The following POMC variants were observed in gnomAD, a reference collection of about 807,000 sequenced individuals.
POMC encodes proopiomelanocortin.
A neutral mutation model predicts 18.5 loss-of-function variants in POMC; 19 were observed. That is an observed-to-expected ratio of 1.03 (90% CI 0.72 to 1.51). The LOEUF is 1.51. Among genes scored for constraint, POMC ranks in the 40% most tolerant of loss-of-function variants. POMC has a pLI of 0.00. For synonymous variants in POMC, 179 were observed against 161.9 expected (o/e 1.11, Z -0.80); for missense variants, 451 against 379.0 (o/e 1.19, Z -1.58).
chr2:25,163,605 C>A (rs1010416592), intron 2 of POMC, among the ~76,000 whole-genome samples: 9 of 152,208 alleles, frequency 5.9e-5, no homozygotes, highest in Admixed American at 3.9e-4. Context: ...GTCACTGACA[C>A]TAACAGTATG....
intron 2 of POMC, among the ~76,000 whole-genome samples, chr2:25,164,374 G>A (rs1327521055): frequency 6.6e-6 from 1 of 152,152 alleles, no homozygotes; most frequent in Non-Finnish European, 1.5e-5. Context: ...CTAGCTTAAA[G>A]GGTTCAAGGT....
rs1325484217 is a variant in POMC, at chr2:25,168,238, G to A, written c.-21+260C>T. On this transcript the variant is annotated intron_variant, in intron 1 of 2. Coordinates refer to ENST00000395826, the MANE Select transcript of POMC (RefSeq NM_000939.4). The surrounding 1 kb of genome is among the most constrained non-coding windows in gnomAD (Gnocchi z 5.2). ...CGGACCGCCGCGAGCCCCTGGGGGA[G>A]AGGAGGCCGCCGGCTCCCTGGAGAC... Among the ~76,000 whole-genome samples, 1 of 152,172 alleles carries A rather than the reference G, an allele frequency of 6.6e-6. No homozygotes were observed. Among genetic ancestry groups the A allele is most frequent in the Admixed American group, 6.5e-5 (1 of 15,284 alleles).
rs1671404046 is a variant in POMC, at chr2:25,161,882, G to T, written c.133-130C>A. Reference sequence around the variant, plus strand: ...GAGGACACAGGGCACAGTGTCGGGCGTGTCAAGCGTCGAGGCCTCCCTACA... The same window carrying T: ...GAGGACACAGGGCACAGTGTCGGGCTTGTCAAGCGTCGAGGCCTCCCTACA... On this transcript the variant is annotated intron_variant, in intron 2 of 2. Coordinates refer to ENST00000395826, the MANE Select transcript of POMC (RefSeq NM_000939.4). This position sits in a 1 kb window ranked among gnomAD's most constrained non-coding sequence, Gnocchi z 5.7. The T allele has an allele frequency of 2.1e-6, 3 of 1,411,670 alleles. No individual in the cohort carries two copies. In the South Asian group the frequency reaches 4.5e-5, roughly 21 times the overall value. 87.4% of individuals were successfully genotyped at this position (1,411,670 alleles called of 1,614,324 possible).
intron 1 of POMC, among the ~76,000 whole-genome samples, chr2:25,165,342 A>C (rs939011782): frequency 6.6e-6 from 1 of 152,168 alleles, no homozygotes; most frequent in African/African-American, 2.4e-5. Context: ...TTTCCTATGA[A>C]TATTAGGTTG....
At position 25,161,075 on chromosome 2, in the gene POMC, G is replaced by T; in HGVS notation, c.*6C>A. The T allele has an allele frequency of 6.2e-7, 1 of 1,614,086 alleles. No homozygotes were observed. Among genetic ancestry groups the T allele is most frequent in the African/African-American group, 1.3e-5 (1 of 75,062 alleles). On this transcript the variant is annotated 3_prime_UTR_variant, in exon 3 of 3. Transcript: ENST00000395826. The surrounding 1 kb of genome is among the most constrained non-coding windows in gnomAD (Gnocchi z 5.7). ...GGGAGGGTAGCCCTGGGGCCCCGCT[G>T]TGCCCTCACTCGCCCTTCTTGTAGG...
chr2:25,164,174 T>C (rs913567210), intron 2 of POMC, among the ~76,000 whole-genome samples: 4 of 152,034 alleles, frequency 2.6e-5, no homozygotes, highest in Non-Finnish European at 4.4e-5. Context: ...CCCCTGGTTT[T>C]TCCTTCTTCC....
At chr2:25,163,836 G>A (rs1573253270) in intron 2 of POMC, among the ~76,000 whole-genome samples, 1 of 152,226 alleles carries the variant, frequency 6.6e-6, no homozygotes, top group East Asian at 1.9e-4. Flanking sequence ...TGTTGCCCAG[G>A]CTTGTCTTGA....
At position 25,168,011 on chromosome 2, in the gene POMC, G is replaced by A. The variant is rs1352650657; in HGVS notation, c.-21+487C>T. 1.3e-5 allele frequency among the ~76,000 whole-genome samples: 2 copies of A among 152,136 alleles called. No homozygotes were observed. The highest frequency in any genetic ancestry group is 1.9e-4 in the East Asian group (1 of 5,190). ...TCTACTAAAAATACAAAAATTAGCCGGGCGTGGTGGCGCATGCCTGTAATC... is the reference window on the plus strand; with the variant it reads ...TCTACTAAAAATACAAAAATTAGCCAGGCGTGGTGGCGCATGCCTGTAATC... On this transcript the variant is annotated intron_variant, in intron 1 of 2. Coordinates refer to ENST00000395826, the MANE Select transcript of POMC (RefSeq NM_000939.4). This position sits in a 1 kb window ranked among gnomAD's most constrained non-coding sequence, Gnocchi z 5.2.
Position 25,161,600 on chromosome 2 carries a change from G to GCTA in POMC, c.284_285insTAG (p.Ser95dup). The stretch of plus-strand genomic sequence containing the variant: ...GCTTCTGCCCTGCGCCGCTGCTGCC[G>GCTA]CTGCTGCTGCTGTTGCGGCGGCCGA... On this transcript the variant is annotated inframe_insertion, in exon 3 of 3. Coordinates refer to ENST00000395826, the MANE Select transcript of POMC (RefSeq NM_000939.4). The surrounding 1 kb of genome is among the most constrained non-coding windows in gnomAD (Gnocchi z 5.7). 1 of 1,555,128 alleles carries GCTA rather than the reference G, an allele frequency of 6.4e-7. No homozygotes were observed.
chr2:25,167,790 C>A (rs1671606644), intron 1 of POMC, among the ~76,000 whole-genome samples: 1 of 152,136 alleles, frequency 6.6e-6, no homozygotes, highest in African/African-American at 2.4e-5. Flanking sequence ...CATTAATTTG[C>A]GATAGCGTGT....
At chr2:25,165,821 C>T (rs1671536472) in intron 1 of POMC, 1 of 152,318 alleles carries the variant, frequency 6.6e-6, no homozygotes, top group African/African-American at 2.4e-5. Context: ...CAGGTGGGCC[C>T]CCTGAAGCCA....
In POMC at chr2:25,164,673, A is replaced by G. The variant is rs1276202170; in HGVS notation, c.100T>C (p.Cys34Arg). The G allele has an allele frequency of 8.1e-6, 13 of 1,614,174 alleles. No homozygotes were observed. Among genetic ancestry groups the G allele is most frequent in the Non-Finnish European group, 1.0e-5 (12 of 1,180,024 alleles). ...VRGWCLESSQ[C>R]QDLTTESNLL... Reference sequence around the variant, plus strand: ...TTGCTTTCCGTGGTGAGGTCCTGACACTGGCTGCTCTCCAGGCACCAGCCA... The same window carrying G: ...TTGCTTTCCGTGGTGAGGTCCTGACGCTGGCTGCTCTCCAGGCACCAGCCA... Residue 34 changes from cysteine to arginine, a missense_variant, in exon 2 of 3, where the codon TGT becomes CGT. Transcript: ENST00000395826.
chr2:25,166,139 C>T (rs1311334304), intron 1 of POMC, among the ~76,000 whole-genome samples: 1 of 152,262 alleles, frequency 6.6e-6, no homozygotes, highest in African/African-American at 2.4e-5. Flanking sequence ...TCTACCCCAC[C>T]CTCGCCCTAT....
intron 1 of POMC, chr2:25,165,774 T>C (rs1334807195): frequency 6.6e-6 from 1 of 151,028 alleles, no homozygotes; most frequent in Admixed American, 6.6e-5. Flanking sequence ...CACCCCTCTC[T>C]CCAGCACTAC....
chr2:25,161,544 C>T lies in POMC; in HGVS notation c.341G>A (p.Gly114Asp). Residue 114 changes from glycine (G) to aspartate (D), a missense_variant, in exon 3 of 3, where the codon GGC (glycine) becomes GAC (aspartate). Transcript: ENST00000395826. This position sits in a 1 kb window ranked among gnomAD's most constrained non-coding sequence, Gnocchi z 5.7. ...REDVSAGEDC[G>D]PLPEGGPEPR... is the part of the protein sequence containing the mutation. ...CTCGGGGCCGCCCTCAGGCAGCGGG[C>T]CGCAGTCTTCGCCCGCTGAGACGTC... 1 of 1,577,698 alleles carries T rather than the reference C, an allele frequency of 6.3e-7. No individual in the cohort carries two copies. Among genetic ancestry groups the T allele is most frequent in the South Asian group, 1.1e-5 (1 of 87,190 alleles).
rs752077839 is a variant in POMC, at chr2:25,161,329, G to A, written c.556C>T (p.Arg186Trp). 1.9e-6 allele frequency: 3 copies of A among 1,606,004 alleles called. No individual in the cohort carries two copies. The highest frequency in any genetic ancestry group is 3.4e-5 in the Admixed American group (2 of 58,868). The change falls in exon 3 of 3, where the codon CGG becomes TGG. Residue 186 changes from arginine to tryptophan, a missense_variant. Physicochemically the swap from Arg to Trp is moderately radical, Grantham distance 101 (BLOSUM62 -3). Transcript: ENST00000395826. This position sits in a 1 kb window ranked among gnomAD's most constrained non-coding sequence, Gnocchi z 5.7. ...FKRELTGQRL[R>W]EGDGPDGPAD... is the part of the protein sequence containing the mutation. ...GGGCCGTCGGGGCCATCTCCCTCCC[G>A]GAGTCGCTGGCCAGTCAGCTCCCTC... is the stretch of plus-strand genomic sequence containing the variant.
At chr2:25,162,109 G>A (rs977359854) in intron 2 of POMC, among the ~76,000 whole-genome samples, 4 of 152,176 alleles carry the variant, frequency 2.6e-5, no homozygotes, top group African/African-American at 9.7e-5. Flanking sequence ...CTGACATAAA[G>A]GAGTGGCTCC....
chr2:25,164,373 AG>A (rs1671485324), intron 2 of POMC, among the ~76,000 whole-genome samples: 1 of 152,180 alleles, frequency 6.6e-6, no homozygotes, highest in African/African-American at 2.4e-5. Context: ...TCTAGCTTAA[AG>A]GGTTCAAGGT....
intron 2 of POMC, 106 bp downstream of exon 2, chr2:25,164,535 A>G (rs1369544118): frequency 2.6e-6 from 4 of 1,561,522 alleles, no homozygotes; most frequent in Middle Eastern, 1.7e-4. Context: ...AATCACGCCT[A>G]TCACTGGGAA....
Sources: allele counts gnomAD v4.1 joint callset (sites outside exome capture counted in the v4.1 genomes callset), GRCh38; gene constraint gnomAD v4.1.1; non-coding constraint Gnocchi (gnomAD v3.1); transcripts MANE v1.5; gene names NCBI Gene and HGNC (gene_info 2026-07-23, HGNC 2026-07-21).